The following KDM3B variants were observed in gnomAD, a reference collection of about 807,000 sequenced individuals.
KDM3B encodes lysine demethylase 3B.
In KDM3B, 10 loss-of-function variants were observed where a neutral mutation model predicts 170.0. The observed-to-expected ratio is 0.06, with a 90% CI of 0.04 to 0.10. The LOEUF (loss-of-function observed/expected upper bound fraction) is 0.10. KDM3B is among the 10% of genes least tolerant of loss of function. The pLI is 1.00. For synonymous variants in KDM3B, 831 were observed against 834.8 expected (o/e 1.00, Z 0.08); for missense variants, 1,394 against 2,195.2 (o/e 0.64, Z 7.29).
At chr5:138,418,777 G>A (rs1257682279) in intron 13 of KDM3B, among the ~76,000 whole-genome samples, 176 bp from the exon 14 acceptor site, 1 of 152,190 alleles carries the variant, frequency 6.6e-6, no homozygotes, top group Non-Finnish European at 1.5e-5. Flanking sequence ...AGCTAGCCTG[G>A]TTTCTGGCAT....
intron 7 of KDM3B, among the ~76,000 whole-genome samples, chr5:138,387,584 A>G (rs1414275627): frequency 1.3e-5 from 2 of 152,180 alleles, no homozygotes; most frequent in Non-Finnish European, 2.9e-5. Context: ...TCCCTCCCCA[A>G]CAAGTGCAGA....
chr5:138,389,429 C>G (rs549688186), intron 7 of KDM3B, among the ~76,000 whole-genome samples: 1 of 151,928 alleles, frequency 6.6e-6, no homozygotes, highest in African/African-American at 2.4e-5. Flanking sequence ...TTTTGTTTAT[C>G]GGGAATCACT....
intron 7 of KDM3B, among the ~76,000 whole-genome samples, chr5:138,389,756 G>A (rs1762375731): frequency 7.1e-6 from 1 of 140,498 alleles, no homozygotes; most frequent in African/African-American, 2.7e-5. Flanking sequence ...CCTACCTATG[G>A]GTCTCTTCTC....
intron 23 of KDM3B, among the ~76,000 whole-genome samples, chr5:138,434,674 A>G (rs962030130): frequency 7.2e-5 from 11 of 152,000 alleles, no homozygotes; most frequent in African/African-American, 2.7e-4. Flanking sequence ...AGATATAGCT[A>G]TAGATACAGA....
At chr5:138,418,828 A>T (rs1763176131) in intron 13 of KDM3B, 125 bp from the exon 14 acceptor site, 1 of 904,382 alleles carries the variant, frequency 1.1e-6, no homozygotes, top group African/African-American at 1.7e-5. Context: ...TAAATAATGT[A>T]TGAAATGCCA....
In KDM3B at chr5:138,398,400, A is replaced by T. The variant is rs200125839; in HGVS notation, c.3046+8A>T. ...TGATGGTGGAGCCACACCGTAAGTC[A>T]CCTTCTCACTTGTCTTCCAGGTGCT... On this transcript the variant is annotated splice_region_variant and intron_variant, in intron 10 of 23. Transcript: ENST00000314358. The T allele has an allele frequency of 1.4e-3, 2,305 of 1,611,850 alleles. 9 individuals are homozygous for T. Among genetic ancestry groups the T allele is most frequent in the Non-Finnish European group, 1.9e-3 (2,229 of 1,178,730 alleles).
intron 6 of KDM3B, among the ~76,000 whole-genome samples, chr5:138,383,809 G>A (rs1392507634): frequency 1.3e-5 from 2 of 152,270 alleles, no homozygotes; most frequent in Admixed American, 1.3e-4. Flanking sequence ...AATTAGCTGG[G>A]CGTAGTGGCG....
Position 138,435,826 on chromosome 5 carries a change from ACT to A in KDM3B, c.*130_*131del. 1.4e-6 allele frequency: 1 copy of A among 708,746 alleles called. No individual in the cohort carries two copies. Among genetic ancestry groups the A allele is most frequent in the South Asian group, 1.7e-5 (1 of 59,530 alleles). 43.9% of individuals were successfully genotyped at this position (708,746 alleles called of 1,614,324 possible). ...AGAGCCAGTGTGGTCAGTATTCCAA[ACT>A]CTCCAGCCACTCTCTTCTACGCTGC... On this transcript the variant is annotated 3_prime_UTR_variant, in exon 24 of 24. Coordinates refer to ENST00000314358, the MANE Select transcript of KDM3B (RefSeq NM_016604.4).
intron 23 of KDM3B, among the ~76,000 whole-genome samples, chr5:138,435,041 T>C (rs1404882932): frequency 6.6e-6 from 1 of 152,218 alleles, no homozygotes; most frequent in Non-Finnish European, 1.5e-5. Context: ...CTTTATTCTC[T>C]TCACCTTAAT....
At position 138,391,245 on chromosome 5, in the gene KDM3B, A is replaced by G. The variant is rs1360122439; in HGVS notation, c.1613A>G (p.Asn538Ser). The G allele has an allele frequency of 6.2e-6, 10 of 1,614,032 alleles. No individual in the cohort carries two copies. Among genetic ancestry groups the G allele is most frequent in the African/African-American group, 1.3e-5 (1 of 74,926 alleles). ...QCMSQTLPTS[N>S]YFTTVSESLA... ...ATGTCCCAAACTTTACCTACCAGTAACTACTTCACTACTGTTTCAGAGAGT... is the reference window on the plus strand; with the variant it reads ...ATGTCCCAAACTTTACCTACCAGTAGCTACTTCACTACTGTTTCAGAGAGT... The change falls in exon 8 of 24, where the codon AAC becomes AGC. Residue 538 changes from asparagine (N) to serine (S), a missense_variant. Around this residue, in one of 19 missense-constraint regions of KDM3B, gnomAD observed 294 missense variants for 311.7 expected, o/e 0.94. Coordinates refer to ENST00000314358, the MANE Select transcript of KDM3B (RefSeq NM_016604.4). This position sits in a 1 kb window ranked among gnomAD's most constrained non-coding sequence, Gnocchi z 5.0.
intron 11 of KDM3B, among the ~76,000 whole-genome samples, chr5:138,404,817 G>A (rs1411945526): frequency 3.9e-5 from 6 of 151,930 alleles, no homozygotes; most frequent in East Asian, 2.0e-4. Context: ...TCATCTTCCC[G>A]AGTTCAAGCT....
At chr5:138,371,868 A>C (rs924520577) in intron 1 of KDM3B, among the ~76,000 whole-genome samples, 10 of 152,152 alleles carry the variant, frequency 6.6e-5, no homozygotes, top group African/African-American at 2.2e-4. Context: ...TCATGCCTGC[A>C]ATCCCAGACT....
chr5:138,421,747 A>T (rs959360960), intron 15 of KDM3B, among the ~76,000 whole-genome samples: 1 of 152,240 alleles, frequency 6.6e-6, no homozygotes, highest in African/African-American at 2.4e-5. Context: ...AAGTCAGATC[A>T]TATCTTAACC....
Position 138,415,204 on chromosome 5 carries a change from A to T in KDM3B, c.3272A>T (p.Glu1091Val), listed in dbSNP as rs371328452. 1 of 1,609,922 alleles carries T rather than the reference A, an allele frequency of 6.2e-7. No homozygotes were observed. Among genetic ancestry groups the T allele is most frequent in the African/African-American group, 1.3e-5 (1 of 74,894 alleles). ...KCAKGQSHEPENLMPTQIIPG... is the reference protein window; with the variant it reads ...KCAKGQSHEPVNLMPTQIIPG... ...GCAAAGGGACAGTCCCACGAACCAG[A>T]GAATCTCATGCCCACACAAATTATT... The change falls in exon 12 of 24, where the codon GAG becomes GTG. Residue 1091 changes from glutamate (E) to valine (V), a missense_variant. Physicochemically the swap from Glu to Val is moderately radical, Grantham distance 121 (BLOSUM62 -2). Around this residue, in one of 19 missense-constraint regions of KDM3B, gnomAD observed 44 missense variants for 71.1 expected, o/e 0.62. Coordinates refer to ENST00000314358, the MANE Select transcript of KDM3B (RefSeq NM_016604.4).
chr5:138,430,853 G>A (rs1320711742), intron 22 of KDM3B, among the ~76,000 whole-genome samples: 3 of 151,924 alleles, frequency 2.0e-5, no homozygotes, highest in Admixed American at 2.0e-4. Flanking sequence ...TCGCACCATT[G>A]CACTCCAGCC....
At position 138,377,781 on chromosome 5, in the gene KDM3B, A is replaced by G; in HGVS notation, c.536A>G (p.Asn179Ser). 6.2e-7 allele frequency: 1 copy of G among 1,614,078 alleles called. No homozygotes were observed. The highest frequency in any genetic ancestry group is 8.5e-7 in the Non-Finnish European group (1 of 1,179,960). ...LEHAALRETV[N>S]ALISDQKLQE... ...CATGCTGCACTGAGAGAAACAGTTA[A>G]TGCTTTGATCAGTGACCAAAAGCTA... The change falls in exon 4 of 24, where the codon AAT (asparagine) becomes AGT (serine). Residue 179 changes from asparagine to serine, a missense_variant. Coordinates refer to ENST00000314358, the MANE Select transcript of KDM3B (RefSeq NM_016604.4).
At chr5:138,425,090 G>T (rs1008320781) in intron 16 of KDM3B, among the ~76,000 whole-genome samples, 1 of 152,216 alleles carries the variant, frequency 6.6e-6, no homozygotes, top group Non-Finnish European at 1.5e-5. Flanking sequence ...GGAGCTCATG[G>T]CATTGTCATT....
chr5:138,364,827 A>G (rs1205348498), intron 1 of KDM3B, among the ~76,000 whole-genome samples: 1 of 152,234 alleles, frequency 6.6e-6, no homozygotes, highest in Non-Finnish European at 1.5e-5. Context: ...ATGCAAATCC[A>G]TATCTATCAT....
chr5:138,368,322 T>G (rs1315477583), intron 1 of KDM3B, among the ~76,000 whole-genome samples: 1 of 150,914 alleles, frequency 6.6e-6, no homozygotes, highest in Non-Finnish European at 1.5e-5. Context: ...AGCCTTGAAC[T>G]CCTTGGCCCA....
Sources: gnomAD v4.1 joint callset for allele counts (sites outside exome capture counted in the v4.1 genomes callset) on GRCh38, gnomAD v4.1.1 for gene constraint, gnomAD v4.1.1 regional missense constraint, Gnocchi (gnomAD v3.1) non-coding constraint, MANE v1.5 for transcripts, NCBI Gene and HGNC (gene_info 2026-07-23, HGNC 2026-07-21) for gene names.